The following TTN variants were observed in gnomAD, a reference collection of about 807,000 sequenced individuals.
The protein encoded by TTN is connectin.
Under a neutral mutation model 3,223.0 loss-of-function variants are expected in TTN, and 1,525 were observed. That is an observed-to-expected ratio of 0.47 (90% CI 0.45 to 0.49). TTN has a LOEUF of 0.49. Among genes scored for constraint, TTN ranks in the 20% least tolerant of loss-of-function variants. The pLI, the probability that TTN is intolerant of heterozygous loss-of-function variation, is 0.00. For missense variants in TTN, 40,786 were observed against 43,424.0 expected (o/e 0.94, Z 5.40); for synonymous variants, 14,094 against 15,161.0 (o/e 0.93, Z 5.17).
intron 175 of TTN, 33 bp downstream of exon 175, chr2:178,662,696 A>C: frequency 1.0e-6 from 1 of 982,476 alleles, no homozygotes; most frequent in Non-Finnish European, 1.5e-6. Context: ...ACAGACGATA[A>C]GTTTTTCTTA....
intron 240 of TTN, among the ~76,000 whole-genome samples, chr2:178,627,772 T>C (rs2059251202): frequency 6.6e-6 from 1 of 152,020 alleles, no homozygotes. Context: ...TAAGAAGCTC[T>C]TACTATGACA....
In TTN at chr2:178,718,149, T is replaced by C; in HGVS notation, c.24857A>G (p.Lys8286Arg). The C allele has an allele frequency of 6.2e-7, 1 of 1,608,116 alleles. No homozygotes were observed. The highest frequency in any genetic ancestry group is 8.5e-7 in the Non-Finnish European group (1 of 1,179,664). ...TCTAATTTCTGGAGTTCCATCCACTTTACACTGTAAAGTTGCAGGTTCTCC... is the reference window on the plus strand; with the variant it reads ...TCTAATTTCTGGAGTTCCATCCACTCTACACTGTAAAGTTGCAGGTTCTCC... ...VIGEPATLQC[K>R]VDGTPEIRIS... is the part of the protein sequence containing the mutation. Residue 8286 changes from lysine to arginine, a missense_variant, in exon 86 of 363, where the codon AAA becomes AGA. Coordinates refer to ENST00000589042, the MANE Select transcript of TTN (RefSeq NM_001267550.2).
At position 178,557,761 on chromosome 2, in the gene TTN, T is replaced by C. The variant is rs542970665; in HGVS notation, c.87593A>G (p.Lys29198Arg). 6.2e-7 allele frequency: 1 copy of C among 1,613,968 alleles called. No homozygotes were observed. Among genetic ancestry groups the C allele is most frequent in the Non-Finnish European group, 8.5e-7 (1 of 1,179,850 alleles). ...TTCTCCTGTGGTCAGTTTCATGACT[T>C]TCATCATGGTTCTTGCAACTGTTGC... is the stretch of plus-strand genomic sequence containing the variant. ...VSATVARTMM[K>R]VMKLTTGEEY... The change falls in exon 328 of 363, where the codon AAA becomes AGA. Residue 29198 changes from lysine to arginine, a missense_variant. Coordinates refer to ENST00000589042, the MANE Select transcript of TTN (RefSeq NM_001267550.2).
At chr2:178,663,940 G>A in intron 169 of TTN, 38 bp from the exon 170 acceptor site, 17 of 1,612,366 alleles carry the variant, frequency 1.1e-5, no homozygotes, top group Non-Finnish European at 1.4e-5. Flanking sequence ...TAGGTGTTAT[G>A]AAGACCGCTA....
Position 178,706,615 on chromosome 2 carries a change from T to A in TTN, c.29259A>T (p.Glu9753Asp). Residue 9753 changes from glutamate (E) to aspartate (D), a missense_variant, in exon 102 of 363, where the codon GAA (glutamate) becomes GAT (aspartate). By Grantham distance (45) the Glu-to-Asp change is conservative. Transcript: ENST00000589042. ...TGGTGTCCCTAATCTCCAGTTTTGCTTCATCGCCTTTTTGGTGGATGAAAA... is the reference window on the plus strand; with the variant it reads ...TGGTGTCCCTAATCTCCAGTTTTGCATCATCGCCTTTTTGGTGGATGAAAA... ...GRVFIHQKGD[E>D]AKLEIRDTTK... 6.2e-7 allele frequency: 1 copy of A among 1,613,982 alleles called. No homozygotes were observed. Among genetic ancestry groups the A allele is most frequent in the Non-Finnish European group, 8.5e-7 (1 of 1,179,856 alleles).
At chr2:178,591,531 A>C in intron 303 of TTN, 27 bp from the exon 304 acceptor site, 1 of 1,582,534 alleles carries the variant, frequency 6.3e-7, no homozygotes, top group South Asian at 1.2e-5. Flanking sequence ...AAAAAATTAG[A>C]TTTTGATTTT....
At position 178,532,566 on chromosome 2, in the gene TTN, A is replaced by G. The variant is rs1553489508; in HGVS notation, c.104049T>C (p.Leu34683=). 20 of 1,613,948 alleles carry G rather than the reference A, an allele frequency of 1.2e-5. No individual in the cohort carries two copies. Among genetic ancestry groups the G allele is most frequent in the Non-Finnish European group, 1.6e-5 (19 of 1,179,854 alleles). The change falls in exon 358 of 363, where the codon CTT becomes CTC. Residue 34683 remains leucine, a synonymous_variant. Transcript: ENST00000589042. ...MKRTEEERLR[L]EEELELGFSA... The stretch of plus-strand genomic sequence containing the variant: ...AAAAACCTAACTCAAGCTCTTCTTC[A>G]AGACGCAGCCTCTCTTCCTCTGTTC...
intron 30 of TTN, 30 bp from the exon 31 acceptor site, chr2:178,774,140 A>G (rs773263862): frequency 1.2e-6 from 2 of 1,614,120 alleles, no homozygotes; most frequent in Non-Finnish European, 8.5e-7. Context: ...AAAGAATGTT[A>G]TGATCATTTT....
Position 178,779,103 on chromosome 2 carries a change from C to T in TTN, c.3979G>A (p.Asp1327Asn), listed in dbSNP as rs1317990922. 1.9e-6 allele frequency: 3 copies of T among 1,613,724 alleles called. No individual in the cohort carries two copies. In the Admixed American group the frequency reaches 5.0e-5, roughly 27 times the overall value. ...TCTCCATGTTTGATGCGCTTGCCAT[C>T]TTTGTACCAAGCAATCTGCAAAGAA... ...YPLPKIAWYK[D>N]GKRIKHGERY... is the part of the protein sequence containing the mutation. The change falls in exon 24 of 363, where the codon GAT (aspartate) becomes AAT (asparagine). Residue 1327 changes from aspartate (D) to asparagine (N), a missense_variant. Coordinates refer to ENST00000589042, the MANE Select transcript of TTN (RefSeq NM_001267550.2).
Position 178,617,840 on chromosome 2 carries a change from A to G in TTN, c.47511T>C (p.Asn15837=). The change falls in exon 253 of 363, where the codon AAT becomes AAC. Residue 15837 remains asparagine (N), a synonymous_variant. Transcript: ENST00000589042. The part of the protein sequence containing the change: ...QEYSFRVRAQ[N]RIGVGKPSAA... ...CACTTGGTTTTCCAACTCCAATTCGATTTTGGGCTCTCACTCGGAAACTGT... is the reference window on the plus strand; with the variant it reads ...CACTTGGTTTTCCAACTCCAATTCGGTTTTGGGCTCTCACTCGGAAACTGT... 1.2e-6 allele frequency: 2 copies of G among 1,612,536 alleles called. No homozygotes were observed. The highest frequency in any genetic ancestry group is 1.7e-6 in the Non-Finnish European group (2 of 1,179,064).
intron 67 of TTN, 102 bp downstream of exon 67, chr2:178,728,008 C>T: frequency 7.0e-7 from 1 of 1,424,298 alleles, no homozygotes; most frequent in Non-Finnish European, 9.3e-7. Flanking sequence ...TCTAAAGAAC[C>T]AGAATCATAG....
chr2:178,779,028 G>T lies in TTN; in HGVS notation c.4054C>A (p.Pro1352Thr). The change falls in exon 24 of 363, where the codon CCT (proline) becomes ACT (threonine). Residue 1352 changes from proline to threonine, a missense_variant. Pro to Thr is a conservative substitution (Grantham distance 38, BLOSUM62 -1). Coordinates refer to ENST00000589042, the MANE Select transcript of TTN (RefSeq NM_001267550.2). ...LQDGRASLRI[P>T]VVLPEDEGIY... ...CCTTCATCTTCTGGAAGAACAACAG[G>T]TATACGCAGACTAGCTCTGCCATCT... 1.9e-6 allele frequency: 3 copies of T among 1,613,278 alleles called. No individual in the cohort carries two copies. Among genetic ancestry groups the T allele is most frequent in the Non-Finnish European group, 2.5e-6 (3 of 1,179,730 alleles).
chr2:178,621,208 A>C lies in TTN; in HGVS notation c.45510T>G (p.Asp15170Glu). The C allele has an allele frequency of 1.2e-6, 2 of 1,612,460 alleles. No individual in the cohort carries two copies. The highest frequency in any genetic ancestry group is 8.5e-7 in the Non-Finnish European group (1 of 1,179,198). ...TCACAACTAGGACCCTCTTTTTACC[A>C]TCAGCAATAACGTCATATTTATCTC... is the stretch of plus-strand genomic sequence containing the variant. Reference protein sequence around the residue: ...ESGDKYDVIADGKKRVLVVKD... With the variant: ...ESGDKYDVIAEGKKRVLVVKD... The change falls in exon 246 of 363, where the codon GAT (aspartate) becomes GAG (glutamate). Residue 15170 changes from aspartate to glutamate, a missense_variant. Transcript: ENST00000589042.
rs929458467 is a variant in TTN at position 178,562,977 on chromosome 2, T to C, written c.83155A>G (p.Arg27719Gly). ...WEKAEGILTD[R>G]AQIEVTSSFT... ...GAGCTGGTCACCTCTATCTGAGCCCTGTCAGTGAGAATGCCTTCTGCCTTT... is the reference window on the plus strand; with the variant it reads ...GAGCTGGTCACCTCTATCTGAGCCCCGTCAGTGAGAATGCCTTCTGCCTTT... Residue 27719 changes from arginine to glycine, a missense_variant, in exon 326 of 363, where the codon AGG (arginine) becomes GGG (glycine). Coordinates refer to ENST00000589042, the MANE Select transcript of TTN (RefSeq NM_001267550.2). The C allele has an allele frequency of 1.2e-6, 2 of 1,613,738 alleles. No homozygotes were observed. Among genetic ancestry groups the C allele is most frequent in the African/African-American group, 2.7e-5 (2 of 75,038 alleles).
rs753822494 is a variant in TTN, at chr2:178,715,127, T to G, written c.26059A>C (p.Lys8687Gln). ...YKDKRELRSG[K>Q]KYKIMSENFL... ...TTCTCAGACATTATCTTGTACTTCT[T>G]GCCGCTCCTAAGTTCTCTCTTGTCT... Residue 8687 changes from lysine to glutamine, a missense_variant, in exon 90 of 363, where the codon AAG becomes CAG. Lys to Gln is a moderately conservative substitution (Grantham distance 53). Transcript: ENST00000589042. The G allele has an allele frequency of 2.5e-6, 4 of 1,613,640 alleles. No homozygotes were observed. The African/African-American group carries it at 4.0e-5, about 16-fold the overall frequency.
At position 178,560,857 on chromosome 2, in the gene TTN, A is replaced by G. The variant is rs376484117; in HGVS notation, c.85275T>C (p.Thr28425=). 1.8e-5 allele frequency: 29 copies of G among 1,613,568 alleles called. No homozygotes were observed. In the African/African-American group the frequency reaches 3.5e-4, roughly 19 times the overall value. ...LTVKDCIRRD[T]GQYVLTLKNV... ...TCTTCAGTGTTAGTACATATTGCCC[A>G]GTGTCTCGTCTTATACAGTCTTTAA... Residue 28425 remains threonine (T), a synonymous_variant, in exon 326 of 363, where the codon ACT becomes ACC. Coordinates refer to ENST00000589042, the MANE Select transcript of TTN (RefSeq NM_001267550.2).
Position 178,532,118 on chromosome 2 carries a change from C to G in TTN, c.104497G>C (p.Ala34833Pro). Residue 34833 changes from alanine (A) to proline (P), a missense_variant, in exon 358 of 363, where the codon GCG (alanine) becomes CCG (proline). Ala to Pro is a conservative substitution (Grantham distance 27). Transcript: ENST00000589042. ...CGCCGTCGTCTCAGTAGTCTAGACGCAGATGAGGATGATTCTCTTTGAGCA... is the reference window on the plus strand; with the variant it reads ...CGCCGTCGTCTCAGTAGTCTAGACGGAGATGAGGATGATTCTCTTTGAGCA... Reference protein sequence around the residue: ...KHAQRESSSSASRLLRRRRSL... With the variant: ...KHAQRESSSSPSRLLRRRRSL... 1 of 1,613,972 alleles carries G rather than the reference C, an allele frequency of 6.2e-7. No homozygotes were observed. The highest frequency in any genetic ancestry group is 8.5e-7 in the Non-Finnish European group (1 of 1,179,876).
chr2:178,681,626 A>G, intron 136 of TTN, 35 bp downstream of exon 136: 1 of 1,581,540 alleles, frequency 6.3e-7, no homozygotes, highest in Non-Finnish European at 8.6e-7. Flanking sequence ...GGAAACAAAG[A>G]TCTCTTACAG....
intron 251 of TTN, 22 bp from the exon 252 acceptor site, chr2:178,618,513 A>AT (rs759213860): frequency 4.3e-6 from 7 of 1,609,590 alleles, no homozygotes; most frequent in Non-Finnish European, 5.9e-6. Context: ...ATATAGAGGA[A>AT]TTTTTTTAGT....
Sources: gnomAD v4.1 joint callset for allele counts (sites outside exome capture counted in the v4.1 genomes callset) on GRCh38, gnomAD v4.1.1 for gene constraint, MANE v1.5 for transcripts, NCBI Gene and HGNC (gene_info 2026-07-23, HGNC 2026-07-21) for gene names.